The following XKR6 variants were observed in gnomAD, a reference collection of about 807,000 sequenced individuals.
XKR6 encodes XK-related protein 6.
A neutral mutation model predicts 56.7 loss-of-function variants in XKR6; 22 were observed. That is an observed-to-expected ratio of 0.39 (90% confidence interval 0.28 to 0.55). XKR6 has a LOEUF of 0.55. Ranked by LOEUF, XKR6 falls within the 20% of genes least tolerant of loss-of-function variation. The pLI is 0.66. For missense variants in XKR6, 852 were observed against 889.0 expected (o/e 0.96, Z 0.53); for synonymous variants, 524 against 387.8 (o/e 1.35, Z -4.13).
At chr8:11,097,158 C>T (rs1160798741) in intron 1 of XKR6, among the ~76,000 whole-genome samples, 1 of 152,184 alleles carries the variant, frequency 6.6e-6, no homozygotes, top group Non-Finnish European at 1.5e-5. Flanking sequence ...TAAGAACTCT[C>T]ATATAGACTT....
At position 10,897,964 on chromosome 8, in the gene XKR6, C is replaced by T. The variant is rs754482177; in HGVS notation, c.1914G>A (p.Glu638=). ...GGTCAAGATGCTCTTAGAGTGAAGACTCATACTGTAGCAACTCATAGAGGA... is the reference window on the plus strand; with the variant it reads ...GGTCAAGATGCTCTTAGAGTGAAGATTCATACTGTAGCAACTCATAGAGGA... ...GPLLYELLQY[E]SSL is the part of the protein sequence containing the mutation. The change falls in exon 3 of 3, where the codon GAG becomes GAA. Residue 638 remains glutamate (E), a synonymous_variant. Transcript: ENST00000416569. 1.9e-6 allele frequency: 3 copies of T among 1,584,526 alleles called. No homozygotes were observed. The highest frequency in any genetic ancestry group is 1.7e-6 in the Non-Finnish European group (2 of 1,166,472).
intron 1 of XKR6, among the ~76,000 whole-genome samples, chr8:10,928,670 AGG>A: frequency 6.6e-6 from 1 of 152,292 alleles, no homozygotes; most frequent in Non-Finnish European, 1.5e-5. Context: ...CTCATCCCAC[AGG>A]CCCGCGCCCT....
At chr8:11,145,692 A>C (rs973596622) in intron 1 of XKR6, among the ~76,000 whole-genome samples, 2 of 152,242 alleles carry the variant, frequency 1.3e-5, no homozygotes, top group African/African-American at 4.8e-5. Context: ...ATAATTGCTA[A>C]GAGAAATTAA....
intron 1 of XKR6, among the ~76,000 whole-genome samples, chr8:11,006,400 T>C (rs1336694571): frequency 6.6e-6 from 1 of 152,164 alleles, no homozygotes; most frequent in African/African-American, 2.4e-5. Flanking sequence ...ATTGTCACTA[T>C]CCATCCCTTA....
chr8:10,993,616 A>G (rs1166683891), intron 1 of XKR6, among the ~76,000 whole-genome samples: 3 of 152,192 alleles, frequency 2.0e-5, no homozygotes, highest in African/African-American at 7.2e-5. Context: ...GGTACTAAGC[A>G]GGGGAGAGGC....
chr8:11,058,307 A>T (rs1799737755), intron 1 of XKR6, among the ~76,000 whole-genome samples: 1 of 152,240 alleles, frequency 6.6e-6, no homozygotes, highest in African/African-American at 2.4e-5. Flanking sequence ...CATTTGACCC[A>T]GCAATCCCAT....
chr8:10,992,032 T>C (rs1328009105), intron 1 of XKR6, among the ~76,000 whole-genome samples: 4 of 152,198 alleles, frequency 2.6e-5, no homozygotes, highest in Non-Finnish European at 5.9e-5. Context: ...CATGTGATAG[T>C]ACAGCAGGAA....
intron 1 of XKR6, among the ~76,000 whole-genome samples, chr8:11,051,573 C>A (rs1426303501): frequency 1.3e-5 from 2 of 152,322 alleles, no homozygotes; most frequent in African/African-American, 4.8e-5. Context: ...ATCTTTGGCT[C>A]CTCTTTTCCT....
At chr8:11,126,888 C>T (rs1300077613) in intron 1 of XKR6, among the ~76,000 whole-genome samples, 1 of 152,168 alleles carries the variant, frequency 6.6e-6, no homozygotes, top group African/African-American at 2.4e-5. Flanking sequence ...CAAAGGGACC[C>T]AGATGATGAA....
chr8:11,137,453 A>G (rs925899334), intron 1 of XKR6: 2 of 414,824 alleles, frequency 4.8e-6, no homozygotes, highest in Admixed American at 2.8e-5. Flanking sequence ...AGTCCCTTAC[A>G]TCTTCAGCCG....
chr8:11,114,233 C>G, intron 1 of XKR6: 1 of 278,234 alleles, frequency 3.6e-6, no homozygotes, highest in Non-Finnish European at 7.0e-6. Flanking sequence ...AATCACAATC[C>G]TATTTTGAAT....
Position 11,201,187 on chromosome 8 carries a change from G to A in XKR6, c.153C>T (p.Ser51=). Residue 51 remains serine, a synonymous_variant, in exon 1 of 3, where the codon AGC becomes AGT. Coordinates refer to ENST00000416569, the MANE Select transcript of XKR6 (RefSeq NM_173683.4). ...GGGDGSEPGE[S]SSMHICHCCN... ...AGCAGTGGCAGATGTGCATCGAGCT[G>A]CTCTCGCCGGGCTCGCTGCCGTCGC... 2 of 1,528,578 alleles carry A rather than the reference G, an allele frequency of 1.3e-6. No homozygotes were observed. Among genetic ancestry groups the A allele is most frequent in the South Asian group, 1.2e-5 (1 of 83,668 alleles). 94.7% of individuals were successfully genotyped at this position (1,528,578 alleles called of 1,614,324 possible).
intron 1 of XKR6, among the ~76,000 whole-genome samples, chr8:11,055,695 A>G (rs1331822204): frequency 6.6e-6 from 1 of 152,128 alleles, no homozygotes; most frequent in African/African-American, 2.4e-5. Flanking sequence ...TTCACCTAGG[A>G]CTTTGCTTGC....
intron 1 of XKR6, among the ~76,000 whole-genome samples, chr8:11,128,427 C>A (rs568828422): frequency 2.6e-5 from 4 of 152,328 alleles, no homozygotes; most frequent in South Asian, 4.1e-4. Context: ...TCCTTCATCA[C>A]AACTGCCTAT....
chr8:11,036,534 CT>C (rs1471150208), intron 1 of XKR6, among the ~76,000 whole-genome samples: 3 of 152,208 alleles, frequency 2.0e-5, no homozygotes, highest in Non-Finnish European at 4.4e-5. Context: ...ATCAGCATCT[CT>C]GGGTGGGGTC....
chr8:10,956,673 G>A (rs983822600), intron 1 of XKR6, among the ~76,000 whole-genome samples: 3 of 152,088 alleles, frequency 2.0e-5, no homozygotes, highest in Non-Finnish European at 4.4e-5. Context: ...GGAGAACAGC[G>A]GATGTCAAAG....
intron 1 of XKR6, among the ~76,000 whole-genome samples, chr8:11,069,481 T>C (rs1800063404): frequency 6.6e-6 from 1 of 152,164 alleles, no homozygotes; most frequent in African/African-American, 2.4e-5. Flanking sequence ...TCAGCTCACA[T>C]GGCTGTGCCC....
intron 1 of XKR6, among the ~76,000 whole-genome samples, chr8:11,171,223 A>T: frequency 6.6e-6 from 1 of 152,232 alleles, no homozygotes; most frequent in East Asian, 1.9e-4. Context: ...TGTAACATGA[A>T]CTGCCATTAC....
At chr8:11,090,919 T>C (rs987270615) in intron 1 of XKR6, among the ~76,000 whole-genome samples, 1 of 152,060 alleles carries the variant, frequency 6.6e-6, no homozygotes, top group African/African-American at 2.4e-5. Context: ...AATCACCCCA[T>C]TTGATAGATG....
Sources: gnomAD v4.1 joint callset for allele counts (sites outside exome capture counted in the v4.1 genomes callset) on GRCh38, gnomAD v4.1.1 for gene constraint, MANE v1.5 for transcripts, NCBI Gene and HGNC (gene_info 2026-07-23, HGNC 2026-07-21) for gene names.